The following ABCA12 variants were observed in gnomAD, a reference collection of about 807,000 sequenced individuals.
ABCA12 encodes the protein glucosylceramide transporter ABCA12.
Under a neutral mutation model 293.5 loss-of-function variants are expected in ABCA12, and 156 were observed. The observed-to-expected ratio is 0.53, with a 90% CI of 0.47 to 0.61. ABCA12 has a LOEUF of 0.61. Among genes scored for constraint, ABCA12 ranks in the 20% least tolerant of loss-of-function variants. ABCA12 has a pLI of 0.00. For synonymous variants in ABCA12, 1,063 were observed against 1,108.0 expected (o/e 0.96, Z 0.81); for missense variants, 2,797 against 3,090.2 (o/e 0.91, Z 2.25).
intron 44 of ABCA12, among the ~76,000 whole-genome samples, chr2:214,952,944 T>C (rs1698825694): frequency 2.0e-5 from 3 of 152,230 alleles, no homozygotes. Flanking sequence ...CAATAGGTGA[T>C]ACATGTACAT....
rs747197822 is a variant in ABCA12, at chr2:215,025,647, G to GT, written c.1287+25dup. The GT allele has an allele frequency of 9.3e-3, 10,405 of 1,114,542 alleles. 4 individuals are homozygous for GT. Among genetic ancestry groups the GT allele is most frequent in the African/African-American group, 0.014 (791 of 56,748 alleles). The allele number at this position is 1,114,542 out of a possible 1,614,324, so 69.0% of individuals were successfully genotyped here. On this transcript the variant is annotated intron_variant, in intron 11 of 52. Coordinates refer to ENST00000272895, the MANE Select transcript of ABCA12 (RefSeq NM_173076.3). Reference sequence around the variant, plus strand: ...CTTTTTGTTTTTTTTTTTGTTTTTTGTTTTTTTTTTACTTTCATGGCTTAC... The same window carrying GT: ...CTTTTTGTTTTTTTTTTTGTTTTTTGTTTTTTTTTTTACTTTCATGGCTTAC...
intron 20 of ABCA12, among the ~76,000 whole-genome samples, chr2:215,002,037 T>A (rs972648664): frequency 1.3e-5 from 2 of 152,178 alleles, no homozygotes; most frequent in African/African-American, 2.4e-5. Flanking sequence ...AATAAATTTT[T>A]AAAAATCTAT....
At chr2:215,049,301 TCA>T (rs1356154376) in intron 6 of ABCA12, among the ~76,000 whole-genome samples, 1 of 152,208 alleles carries the variant, frequency 6.6e-6, no homozygotes, top group East Asian at 1.9e-4. Context: ...TAAACTTGTA[TCA>T]CAGCCTGAGT....
chr2:215,000,323 G>C (rs1000086849), intron 22 of ABCA12, among the ~76,000 whole-genome samples: 7 of 152,264 alleles, frequency 4.6e-5, no homozygotes, highest in Admixed American at 4.6e-4. Context: ...CGATTTGGGA[G>C]TTGGAAGGGA....
chr2:215,017,303 T>C (rs918513765), intron 14 of ABCA12, among the ~76,000 whole-genome samples: 2 of 152,120 alleles, frequency 1.3e-5, no homozygotes, highest in Non-Finnish European at 2.9e-5. Flanking sequence ...TTCCAGACAA[T>C]GGACTTGGAA....
In ABCA12 at chr2:214,932,716, T is replaced by A; in HGVS notation, c.7706A>T (p.Gln2569Leu). The A allele has an allele frequency of 6.2e-7, 1 of 1,613,626 alleles. No homozygotes were observed. Reference sequence around the variant, plus strand: ...GGTATCAGCAGTTTCATAGGACTTCTGGTCTTTGGCAAAGTTGATGAAAAC... The same window carrying A: ...GGTATCAGCAGTTTCATAGGACTTCAGGTCTTTGGCAAAGTTGATGAAAAC... ...EEVFINFAKDQKSYETADTSS... is the reference protein window; with the variant it reads ...EEVFINFAKDLKSYETADTSS... The change falls in exon 53 of 53, where the codon CAG becomes CTG. Residue 2569 changes from glutamine to leucine, a missense_variant. Physicochemically the swap from Gln to Leu is moderately radical, Grantham distance 113 (BLOSUM62 -2). This residue lies in a region of ABCA12 where 2,130 missense variants were observed against 2,427.0 expected (regional missense o/e 0.88). Coordinates refer to ENST00000272895, the MANE Select transcript of ABCA12 (RefSeq NM_173076.3).
In ABCA12 at chr2:215,134,616, T is replaced by TATAG. The variant is rs1319987969; in HGVS notation, c.69+3523_69+3524insCTAT. Reference sequence around the variant, plus strand: ...CTCTCTCTCTATATATATATATATATAGAGAGAGAGAGAGAGAGAGAGAGA... The same window carrying TATAG: ...CTCTCTCTCTATATATATATATATATATAGAGAGAGAGAGAGAGAGAGAGAGAGA... On this transcript the variant is annotated intron_variant, in intron 1 of 52. Coordinates refer to ENST00000272895, the MANE Select transcript of ABCA12 (RefSeq NM_173076.3). Among the ~76,000 whole-genome samples, 353 of 80,642 alleles carry TATAG rather than the reference T, an allele frequency of 4.4e-3. 31 individuals carry two copies. Among genetic ancestry groups the TATAG allele is most frequent in the African/African-American group, 0.021 (329 of 15,484 alleles). The allele number at this position is 80,642 out of a possible 152,430, so 52.9% of individuals were successfully genotyped here.
At chr2:215,042,906 T>A (rs533164433) in intron 7 of ABCA12, among the ~76,000 whole-genome samples, 19 of 152,270 alleles carry the variant, frequency 1.2e-4, no homozygotes, top group African/African-American at 4.1e-4. Flanking sequence ...TGAGATCAAC[T>A]TTTTTAGGAT....
chr2:215,091,537 G>A (rs111649300), intron 2 of ABCA12, among the ~76,000 whole-genome samples: 6,245 of 152,142 alleles, frequency 0.041, 409 homozygotes, highest in African/African-American at 0.14. Context: ...ACCCTTAGAC[G>A]CTTTACTGCC....
chr2:214,942,857 G>T, intron 50 of ABCA12, 68 bp downstream of exon 50: 1 of 1,377,388 alleles, frequency 7.3e-7, no homozygotes. Flanking sequence ...GATAATCCTT[G>T]AATCTGAGTG....
chr2:215,120,569 A>C (rs1032631947), intron 1 of ABCA12, among the ~76,000 whole-genome samples: 2 of 152,194 alleles, frequency 1.3e-5, no homozygotes, highest in African/African-American at 4.8e-5. Flanking sequence ...TCTGTAGAGC[A>C]GAAGCAGCAT....
At chr2:215,114,570 A>G (rs529574046) in intron 1 of ABCA12, among the ~76,000 whole-genome samples, 56 of 152,270 alleles carry the variant, frequency 3.7e-4, no homozygotes, top group African/African-American at 1.1e-3. Flanking sequence ...TCTTTTTTTT[A>G]TAATTATTGT....
intron 3 of ABCA12, among the ~76,000 whole-genome samples, chr2:215,055,353 A>C (rs1307459596): frequency 6.6e-6 from 1 of 152,128 alleles, no homozygotes; most frequent in African/African-American, 2.4e-5. Context: ...CCTTCCCACA[A>C]TTAGTAACCC....
At chr2:215,045,250 G>C (rs958089292) in intron 7 of ABCA12, among the ~76,000 whole-genome samples, 6 of 152,052 alleles carry the variant, frequency 3.9e-5, no homozygotes, top group African/African-American at 2.4e-5. Context: ...TCTCTTTTAC[G>C]AATAAAGTAA....
chr2:215,117,269 C>T (rs1036592590), intron 1 of ABCA12, among the ~76,000 whole-genome samples: 8 of 152,136 alleles, frequency 5.3e-5, no homozygotes, highest in Admixed American at 3.9e-4. Flanking sequence ...GAGATAAAGA[C>T]AAGCTTCACA....
At chr2:214,949,197 G>A (rs1427241413) in intron 45 of ABCA12, 48 bp from the exon 46 acceptor site, 5 of 1,332,506 alleles carry the variant, frequency 3.8e-6, no homozygotes, top group Admixed American at 1.7e-5. Context: ...CCAAACCAAT[G>A]AGACATTGCT....
At chr2:215,107,824 T>C in intron 2 of ABCA12, among the ~76,000 whole-genome samples, 1 of 152,234 alleles carries the variant, frequency 6.6e-6, no homozygotes, top group East Asian at 1.9e-4. Context: ...ATGCATGTTG[T>C]TATGACTCCA....
At position 214,934,346 on chromosome 2, in the gene ABCA12, T is replaced by TA. The variant is rs1306567982; in HGVS notation, c.7543-132dup. On this transcript the variant is annotated intron_variant, in intron 51 of 52. Coordinates refer to ENST00000272895, the MANE Select transcript of ABCA12 (RefSeq NM_173076.3). ...ACTGAAAATGATGCTACAGTATAAA[T>TA]AACGAGTATATTTTGAAACTAACAG... 2.9e-6 allele frequency: 3 copies of TA among 1,037,726 alleles called. No individual in the cohort carries two copies. The African/African-American group carries it at 4.7e-5, about 16-fold the overall frequency. 64.3% of individuals were successfully genotyped at this position (1,037,726 alleles called of 1,614,324 possible).
intron 3 of ABCA12, among the ~76,000 whole-genome samples, 187 bp from the exon 4 acceptor site, chr2:215,054,851 T>C (rs1000158051): frequency 1.2e-4 from 19 of 152,110 alleles, no homozygotes; most frequent in African/African-American, 4.3e-4. Context: ...ACAAAGTATA[T>C]TTTTATTCAG....
Sources: allele counts gnomAD v4.1 joint callset (sites outside exome capture counted in the v4.1 genomes callset), GRCh38; gene constraint gnomAD v4.1.1; regional missense constraint gnomAD v4.1.1; transcripts MANE v1.5; gene names NCBI Gene and HGNC (gene_info 2026-07-23, HGNC 2026-07-21).